MACROD2: variants seen among roughly 807,000 people sequenced by gnomAD.
MACROD2 encodes mono-ADP ribosylhydrolase 2, also known as ADP-ribose glycohydrolase MACROD2.
MACROD2 carries 36 observed loss-of-function variants against 70.4 expected under a neutral mutation model. That is an observed-to-expected ratio of 0.51 (90% CI 0.39 to 0.68). MACROD2 has a LOEUF of 0.68. Ranked by LOEUF, MACROD2 falls within the 30% of genes least tolerant of loss-of-function variation. MACROD2 has a pLI of 0.00. For missense variants in MACROD2, 496 were observed against 538.4 expected (o/e 0.92, Z 0.78); for synonymous variants, 172 against 178.8 (o/e 0.96, Z 0.30).
chr20:15,707,356 A>G lies in MACROD2; in HGVS notation c.646-155389A>G, dbSNP rs1304587534. On this transcript the variant is annotated intron_variant, in intron 8 of 17. Coordinates refer to ENST00000684519, the MANE Select transcript of MACROD2 (RefSeq NM_001351661.2). ...AAATCATTCAGTATTCAGTTAGTCA[A>G]CAAAATCAACAAATAATTATCATGC... is the stretch of plus-strand genomic sequence containing the variant. Among the ~76,000 whole-genome samples, 3 of 152,324 alleles carry G rather than the reference A, an allele frequency of 2.0e-5. No homozygotes were observed. The East Asian group carries it at 5.8e-4, about 29-fold the overall frequency.
intron 3 of MACROD2, among the ~76,000 whole-genome samples, chr20:14,429,854 G>C (rs907641587): frequency 6.6e-6 from 1 of 152,162 alleles, no homozygotes. Flanking sequence ...CCATTTGGTG[G>C]TGTGACCTTC....
At chr20:14,995,752 G>T (rs1486321051) in intron 5 of MACROD2, among the ~76,000 whole-genome samples, 4 of 151,974 alleles carry the variant, frequency 2.6e-5, no homozygotes, top group Admixed American at 1.3e-4. Context: ...TACCATAATG[G>T]ACATTATAAA....
chr20:15,411,216 C>T (rs1454998866), intron 6 of MACROD2, among the ~76,000 whole-genome samples: 1 of 150,060 alleles, frequency 6.7e-6, no homozygotes, highest in East Asian at 2.0e-4. Flanking sequence ...TTTAAGCTAC[C>T]AACACAGAAA....
intron 8 of MACROD2, chr20:15,552,907 A>G (rs948160959): frequency 2.6e-5 from 4 of 152,280 alleles, no homozygotes; most frequent in East Asian, 1.9e-4. Flanking sequence ...TGCCTTTCCT[A>G]TCACCTCCCC....
intron 3 of MACROD2, among the ~76,000 whole-genome samples, chr20:14,447,996 G>C: frequency 6.6e-6 from 1 of 151,156 alleles, no homozygotes; most frequent in South Asian, 2.1e-4. Flanking sequence ...GTGTGTGTGT[G>C]TGTGTGTGTG....
At chr20:15,720,201 G>A (rs1016428172) in intron 8 of MACROD2, among the ~76,000 whole-genome samples, 1 of 152,044 alleles carries the variant, frequency 6.6e-6, no homozygotes, top group African/African-American at 2.4e-5. Context: ...TTCATCTGTT[G>A]TTGGACACTT....
At position 15,555,849 on chromosome 20, in the gene MACROD2, AAAAAAGG is replaced by A. The variant is rs1480445089; in HGVS notation, c.645+56007_645+56013del. The stretch of plus-strand genomic sequence containing the variant: ...ATCTCAAAAAAAAAAAAAAAAAAAA[AAAAAAGG>A]AAAAGAAAAGAAAAGGAAAGAACCA... On this transcript the variant is annotated intron_variant, in intron 8 of 17. Transcript: ENST00000684519. Among the ~76,000 whole-genome samples the A allele has an allele frequency of 8.2e-4, 121 of 146,730 alleles. 3 individuals are homozygous for A. Among genetic ancestry groups the A allele is most frequent in the Middle Eastern group, 3.4e-3 (1 of 292 alleles).
At chr20:15,677,931 G>C (rs535470400) in intron 8 of MACROD2, among the ~76,000 whole-genome samples, 3 of 152,136 alleles carry the variant, frequency 2.0e-5, no homozygotes, top group Non-Finnish European at 4.4e-5. Flanking sequence ...CAAGCATGGT[G>C]GTGGGCACCT....
intron 4 of MACROD2, among the ~76,000 whole-genome samples, chr20:14,682,550 T>G (rs2070946280): frequency 6.6e-6 from 1 of 151,962 alleles, no homozygotes; most frequent in Admixed American, 6.6e-5. Context: ...GTAACCATAC[T>G]ATATGTACTT....
At chr20:15,355,902 T>C (rs6079780) in intron 6 of MACROD2, among the ~76,000 whole-genome samples, 13,581 of 152,220 alleles carry the variant, frequency 0.089, 759 homozygotes, top group Non-Finnish European at 0.13. Context: ...TATGATCTAA[T>C]AAACAAACAA....
At chr20:14,358,080 A>G (rs1293036542) in intron 3 of MACROD2, among the ~76,000 whole-genome samples, 1 of 152,232 alleles carries the variant, frequency 6.6e-6, no homozygotes, top group Non-Finnish European at 1.5e-5. Flanking sequence ...TTTAAAAAGC[A>G]AAGACCATTT....
intron 4 of MACROD2, among the ~76,000 whole-genome samples, chr20:14,494,394 A>G (rs34202312): frequency 0.15 from 23,139 of 152,064 alleles, 2,517 homozygotes; most frequent in Non-Finnish European, 0.22. Context: ...TAAGCATTTA[A>G]CCTTTGTTTC....
chr20:15,347,934 T>TGGCA (rs1248387512), intron 6 of MACROD2, among the ~76,000 whole-genome samples: 1 of 152,220 alleles, frequency 6.6e-6, no homozygotes, highest in African/African-American at 2.4e-5. Context: ...ACCTTGTAGA[T>TGGCA]GGCACCCTGT....
In MACROD2 at chr20:14,485,571, GGCA is replaced by G. The variant is rs1272521514; in HGVS notation, c.272-7907_272-7905del. Among the ~76,000 whole-genome samples the G allele has an allele frequency of 5.3e-5, 8 of 151,908 alleles. No individual in the cohort carries two copies. In the South Asian group the frequency reaches 6.2e-4, roughly 12 times the overall value. On this transcript the variant is annotated intron_variant, in intron 3 of 17. Coordinates refer to ENST00000684519, the MANE Select transcript of MACROD2 (RefSeq NM_001351661.2). ...AAAAAATTAGCCGGGCGTGGTGGCA[GGCA>G]CCTGTAGTCCCAGCTACTTGGGAGG...
intron 5 of MACROD2, among the ~76,000 whole-genome samples, chr20:15,110,147 G>A (rs957264299): frequency 6.6e-6 from 1 of 152,140 alleles, no homozygotes; most frequent in African/African-American, 2.4e-5. Context: ...CTTTCAGGGA[G>A]TAATGTGTGT....
At chr20:15,801,873 T>C (rs923054062) in intron 8 of MACROD2, among the ~76,000 whole-genome samples, 3 of 152,124 alleles carry the variant, frequency 2.0e-5, no homozygotes, top group Non-Finnish European at 4.4e-5. Flanking sequence ...TTTCATTTTC[T>C]TTCATTAGTG....
intron 6 of MACROD2, among the ~76,000 whole-genome samples, chr20:15,390,157 G>A (rs1165832808): frequency 1.3e-5 from 2 of 152,142 alleles, no homozygotes; most frequent in African/African-American, 2.4e-5. Flanking sequence ...GTCGTCTCTG[G>A]AAGAGAATGA....
At chr20:14,791,580 A>T (rs2072451673) in intron 5 of MACROD2, among the ~76,000 whole-genome samples, 1 of 152,072 alleles carries the variant, frequency 6.6e-6, no homozygotes, top group Admixed American at 6.6e-5. Context: ...AATGGACAAA[A>T]TAGCTATAAA....
intron 5 of MACROD2, among the ~76,000 whole-genome samples, chr20:15,199,935 A>G (rs2076641128): frequency 6.6e-6 from 1 of 152,250 alleles, no homozygotes; most frequent in Non-Finnish European, 1.5e-5. Context: ...AATGAGGCAG[A>G]AGTCAAGTTG....
Sources: gnomAD v4.1 joint callset for allele counts (sites outside exome capture counted in the v4.1 genomes callset) on GRCh38, gnomAD v4.1.1 for gene constraint, MANE v1.5 for transcripts, NCBI Gene and HGNC (gene_info 2026-07-23, HGNC 2026-07-21) for gene names.